The following HHIPL1 variants were observed in gnomAD, a reference collection of about 807,000 sequenced individuals.
HHIPL1 encodes the protein HHIP-like protein 1.
In HHIPL1, 43 loss-of-function variants were observed where a neutral mutation model predicts 61.8. The observed-to-expected ratio is 0.70, with a 90% CI of 0.55 to 0.90. The LOEUF is 0.90. HHIPL1 is among the 40% of genes least tolerant of loss of function. The pLI is 0.00. For missense variants in HHIPL1, 1,056 were observed against 1,157.7 expected (o/e 0.91, Z 1.28); for synonymous variants, 482 against 515.8 (o/e 0.93, Z 0.89).
chr14:99,641,721 C>T (rs930436746), upstream of HHIPL1, among the ~76,000 whole-genome samples: 4 of 151,850 alleles, frequency 2.6e-5, no homozygotes, highest in Non-Finnish European at 4.4e-5. Context: ...GCCTGCTTGC[C>T]TGGTTTCTAA....
chr14:99,635,946 G>A, the HHIPL1 span, among the ~76,000 whole-genome samples: 1 of 152,158 alleles, frequency 6.6e-6, no homozygotes, highest in African/African-American at 2.4e-5. Context: ...GGTCTCAGAG[G>A]GTCTCGGCCA....
chr14:99,608,195 C>G, the HHIPL1 span, among the ~76,000 whole-genome samples: 1 of 152,002 alleles, frequency 6.6e-6, no homozygotes, highest in African/African-American at 2.4e-5. Flanking sequence ...TGGGGAAAGT[C>G]GGGAAGAGGT....
the HHIPL1 span, among the ~76,000 whole-genome samples, chr14:99,635,649 C>CTCATTCATTCAT: frequency 6.6e-6 from 1 of 151,852 alleles, no homozygotes; most frequent in Non-Finnish European, 1.5e-5. Flanking sequence ...GTGAGCCCAT[C>CTCATTCATTCAT]TCATTCATTC....
the HHIPL1 span, among the ~76,000 whole-genome samples, chr14:99,633,006 C>T: frequency 8.4e-5 from 8 of 95,032 alleles, no homozygotes; most frequent in African/African-American, 1.7e-4. Flanking sequence ...CCCATCTGGG[C>T]GAGTCTGGCC....
rs763346028 is a variant in HHIPL1, at chr14:99,656,961, G to A, written c.903-39G>A. 12 of 1,548,622 alleles carry A rather than the reference G, an allele frequency of 7.7e-6. No individual in the cohort carries two copies. The Admixed American group carries it at 8.1e-5, about 11-fold the overall frequency. ...CTTGTTTTGTGTGTTTGGCTCATGC[G>A]TGGAAGGCTGAGTTTTAGGGGCCCT... On this transcript the variant is annotated intron_variant, in intron 2 of 8. Coordinates refer to ENST00000330710, the MANE Select transcript of HHIPL1 (RefSeq NM_001127258.3).
In HHIPL1 at chr14:99,673,849, TGGG is replaced by T. The variant is rs1202058725; in HGVS notation, c.1814-1239_1814-1237del. 7.3e-5 allele frequency among the ~76,000 whole-genome samples: 3 copies of T among 41,360 alleles called. No individual in the cohort carries two copies. In the East Asian group the frequency reaches 2.2e-3, roughly 30 times the overall value. 27.1% of individuals were successfully genotyped at this position (41,360 alleles called of 152,430 possible). On this transcript the variant is annotated intron_variant, in intron 8 of 8. Coordinates refer to ENST00000330710, the MANE Select transcript of HHIPL1 (RefSeq NM_001127258.3). ...GGCATGGAGGGGGGGTGCACAGAGT[TGGG>T]GGATGCACCCAGGCAGGTTGCACGG...
Position 99,675,073 on chromosome 14 carries a change from T to G in HHIPL1, c.1814-18T>G. 1 of 1,134,494 alleles carries G rather than the reference T, an allele frequency of 8.8e-7. No homozygotes were observed. Among genetic ancestry groups the G allele is most frequent in the Non-Finnish European group, 1.1e-6 (1 of 914,022 alleles). 70.3% of individuals were successfully genotyped at this position (1,134,494 alleles called of 1,614,324 possible). On this transcript the variant is annotated intron_variant, in intron 8 of 8. Coordinates refer to ENST00000330710, the MANE Select transcript of HHIPL1 (RefSeq NM_001127258.3). This position sits in a 1 kb window ranked among gnomAD's most constrained non-coding sequence, Gnocchi z 5.4. Reference sequence around the variant, plus strand: ...GGGCGCCTGGGTCCCTCTGACGGCATACTCTTCCTCTGCGCAGAGTTCATC... The same window carrying G: ...GGGCGCCTGGGTCCCTCTGACGGCAGACTCTTCCTCTGCGCAGAGTTCATC...
intron 6 of HHIPL1, among the ~76,000 whole-genome samples, chr14:99,667,732 G>T (rs186244078): frequency 6.6e-6 from 1 of 152,300 alleles, no homozygotes; most frequent in African/African-American, 2.4e-5. Context: ...TGAAGCACAC[G>T]CTCTGCGCTC....
Position 99,659,635 on chromosome 14 carries a change from C to CA in HHIPL1, c.1254_1255insA (p.Asp419ArgfsTer42). The CA allele has an allele frequency of 6.4e-7, 1 of 1,551,922 alleles. No individual in the cohort carries two copies. Among genetic ancestry groups the CA allele is most frequent in the Non-Finnish European group, 8.7e-7 (1 of 1,153,946 alleles). On this transcript the variant is annotated frameshift_variant, in exon 4 of 9. Transcript: ENST00000330710. LOFTEE classifies it high-confidence loss of function. ...CTGGCCGCGGGCGCCTCTTCTGCGG[C>CA]GACGTGGGCCAGAACAAGTTCGAGG...
chr14:99,659,970 C>T (rs551626420), intron 4 of HHIPL1, among the ~76,000 whole-genome samples: 109 of 151,766 alleles, frequency 7.2e-4, no homozygotes, highest in African/African-American at 2.6e-3. Flanking sequence ...GGATCTGCCC[C>T]CACCCCAACT....
At chr14:99,613,078 A>C in the HHIPL1 span, among the ~76,000 whole-genome samples, 1 of 151,872 alleles carries the variant, frequency 6.6e-6, no homozygotes, top group African/African-American at 2.4e-5. Context: ...TGTTTGATAC[A>C]ACAACAGCAG....
At chr14:99,637,304 G>A in the HHIPL1 span, among the ~76,000 whole-genome samples, 1 of 152,146 alleles carries the variant, frequency 6.6e-6, no homozygotes, top group African/African-American at 2.4e-5. Context: ...GCTCATGCCT[G>A]TAATCCTAGC....
the HHIPL1 span, among the ~76,000 whole-genome samples, chr14:99,608,993 G>A: frequency 2.6e-5 from 4 of 152,184 alleles, no homozygotes; most frequent in Admixed American, 2.6e-4. Context: ...GCTCTGCGAT[G>A]TCTCTTCTGC....
the HHIPL1 span, among the ~76,000 whole-genome samples, chr14:99,630,049 G>C: frequency 6.6e-6 from 1 of 152,204 alleles, no homozygotes; most frequent in Non-Finnish European, 1.5e-5. Flanking sequence ...TCTATGAGTG[G>C]AGATGCATTG....
the HHIPL1 span, among the ~76,000 whole-genome samples, chr14:99,631,412 G>C: frequency 2.2e-3 from 337 of 152,182 alleles, 1 homozygote; most frequent in African/African-American, 7.9e-3. Context: ...GGGTACTGGA[G>C]TTAGGGCTTC....
At chr14:99,617,254 C>A in the HHIPL1 span, among the ~76,000 whole-genome samples, 1 of 152,150 alleles carries the variant, frequency 6.6e-6, no homozygotes, top group Non-Finnish European at 1.5e-5. Context: ...CTGACTTTCA[C>A]GGAATAACAT....
chr14:99,657,454 A>T (rs1309722062), intron 3 of HHIPL1, among the ~76,000 whole-genome samples: 1 of 152,170 alleles, frequency 6.6e-6, no homozygotes, highest in African/African-American at 2.4e-5. Context: ...CTCAGGGCAG[A>T]TGGGATTTTC....
At chr14:99,641,789 G>C (rs2055755677), upstream of HHIPL1, among the ~76,000 whole-genome samples, 1 of 151,924 alleles carries the variant, frequency 6.6e-6, no homozygotes, top group Non-Finnish European at 1.5e-5. Context: ...TCCCCCTCTG[G>C]CTTCTCTCAA....
chr14:99,615,712 GGAAA>G, the HHIPL1 span, among the ~76,000 whole-genome samples: 2 of 148,328 alleles, frequency 1.3e-5, no homozygotes, highest in African/African-American at 5.0e-5. Context: ...AAAGAAAGAA[GGAAA>G]GAAAGAGAAA....
Sources: allele counts gnomAD v4.1 joint callset (sites outside exome capture counted in the v4.1 genomes callset), GRCh38; gene constraint gnomAD v4.1.1; non-coding constraint Gnocchi (gnomAD v3.1); transcripts MANE v1.5; gene names NCBI Gene and HGNC (gene_info 2026-07-23, HGNC 2026-07-21).